The following TK2 variants were observed in gnomAD, a reference collection of about 807,000 sequenced individuals.
The protein encoded by TK2 is thymidine kinase 2, mitochondrial.
A neutral mutation model predicts 41.9 loss-of-function variants in TK2; 35 were observed. The ratio of observed to expected loss-of-function variants is 0.84; its 90% CI spans 0.64 to 1.11. The LOEUF is 1.11. Among genes scored for constraint, TK2 ranks in the 50% least tolerant of loss-of-function variants. TK2 has a pLI of 0.00. For missense variants in TK2, 320 were observed against 351.1 expected (o/e 0.91, Z 0.71); for synonymous variants, 128 against 129.1 (o/e 0.99, Z 0.06).
rs768454090 is a variant in TK2, at chr16:66,550,032, G to T, written c.30C>A (p.Ala10=). 2 of 1,553,918 alleles carry T rather than the reference G, an allele frequency of 1.3e-6. No individual in the cohort carries two copies. The highest frequency in any genetic ancestry group is 2.4e-5 in the East Asian group (1 of 41,498). Residue 10 remains alanine (A), a synonymous_variant, in exon 1 of 10, where the codon GCC becomes GCA. Coordinates refer to ENST00000544898, the MANE Select transcript of TK2 (RefSeq NM_004614.5). The part of the protein sequence containing the change: MLLWPLRGW[A]ARALRCFGPG... ...GCCCAAAGCAGCGCAGCGCCCGGGC[G>T]GCCCAGCCCCGCAGCGGCCACAGCA...
chr16:66,527,561 C>T (rs1421737736), intron 6 of TK2, among the ~76,000 whole-genome samples: 3 of 152,178 alleles, frequency 2.0e-5, no homozygotes, highest in Non-Finnish European at 4.4e-5. Flanking sequence ...GGACAACAAA[C>T]TTGGTGCCTG....
chr16:66,549,530 G>C lies in TK2; in HGVS notation c.124+408C>G, dbSNP rs910773518. 4 of 1,044,020 alleles carry C rather than the reference G, an allele frequency of 3.8e-6. No homozygotes were observed. In the African/African-American group the frequency reaches 5.1e-5, roughly 13 times the overall value. The allele number at this position is 1,044,020 out of a possible 1,614,324, so 64.7% of individuals were successfully genotyped here. The stretch of plus-strand genomic sequence containing the variant: ...CTGTGTGGGTCCCCACTCCCAGGGA[G>C]GGCAGGAGAGCGCCGGGGGCGTAAC... On this transcript the variant is annotated intron_variant, in intron 1 of 9. Coordinates refer to ENST00000544898, the MANE Select transcript of TK2 (RefSeq NM_004614.5).
Position 66,517,461 on chromosome 16 carries a change from C to A in TK2, c.539-246G>T. 1 of 611,320 alleles carries A rather than the reference C, an allele frequency of 1.6e-6. No individual in the cohort carries two copies. The highest frequency in any genetic ancestry group is 1.9e-5 in the South Asian group (1 of 52,526). 37.9% of individuals were successfully genotyped at this position (611,320 alleles called of 1,614,324 possible). The stretch of plus-strand genomic sequence containing the variant: ...GACAGAGCTCAAAACAGGCCTCACA[C>A]CCAGCAGGTCTCAGTGAATGTTCAG... On this transcript the variant is annotated intron_variant, in intron 7 of 9. Transcript: ENST00000544898. This position sits in a 1 kb window ranked among gnomAD's most constrained non-coding sequence, Gnocchi z 4.3.
rs996791498 is a variant in TK2, at chr16:66,517,965, A to G, written c.450-88T>C. 8 of 1,092,364 alleles carry G rather than the reference A, an allele frequency of 7.3e-6. No individual in the cohort carries two copies. The highest frequency in any genetic ancestry group is 2.0e-4 in the Middle Eastern group (1 of 5,124). 67.7% of individuals were successfully genotyped at this position (1,092,364 alleles called of 1,614,324 possible). On this transcript the variant is annotated intron_variant, in intron 6 of 9. Transcript: ENST00000544898. This position sits in a 1 kb window ranked among gnomAD's most constrained non-coding sequence, Gnocchi z 4.3. ...CCAAAAGGATCTTGAGACGGCTCTC[A>G]ATGAAAGGAGTCACCAAGGGTACCA...
intron 6 of TK2, among the ~76,000 whole-genome samples, chr16:66,524,161 G>A (rs983645997): frequency 3.9e-5 from 6 of 152,052 alleles, no homozygotes; most frequent in Non-Finnish European, 8.8e-5. Context: ...CCTGCACTGC[G>A]CAGAACTTTT....
intron 6 of TK2, among the ~76,000 whole-genome samples, chr16:66,519,170 C>G (rs1293063235): frequency 1.4e-5 from 2 of 147,788 alleles, no homozygotes; most frequent in African/African-American, 2.5e-5. Flanking sequence ...ACCGTGTTAG[C>G]CAGGATGGTC....
chr16:66,544,616 C>T (rs1274559201), intron 2 of TK2, among the ~76,000 whole-genome samples: 3 of 152,190 alleles, frequency 2.0e-5, no homozygotes, highest in Admixed American at 6.5e-5. Context: ...ACATGGCCGG[C>T]CTGGCCCAAC....
chr16:66,547,851 T>C, intron 2 of TK2: 1 of 1,208,184 alleles, frequency 8.3e-7, no homozygotes, highest in South Asian at 1.5e-5. Context: ...CCACTTTCTA[T>C]GAACTAGCTA....
rs538353640 is a variant in TK2 at position 66,514,267 on chromosome 16, G to A, written c.619-456C>T. 6.6e-6 allele frequency among the ~76,000 whole-genome samples: 1 copy of A among 152,336 alleles called. No individual in the cohort carries two copies. The highest frequency in any genetic ancestry group is 1.9e-4 in the East Asian group (1 of 5,180). Reference sequence around the variant, plus strand: ...GCCAAGTGCCTGGGATTGCAGGCGCGCACCGCCATGCCTGACTGGTTTTCG... The same window carrying A: ...GCCAAGTGCCTGGGATTGCAGGCGCACACCGCCATGCCTGACTGGTTTTCG... On this transcript the variant is annotated intron_variant, in intron 8 of 9. Transcript: ENST00000544898. The surrounding 1 kb of genome is among the most constrained non-coding windows in gnomAD (Gnocchi z 4.2).
At chr16:66,533,712 G>A (rs567300364) in intron 4 of TK2, among the ~76,000 whole-genome samples, 1 of 152,144 alleles carries the variant, frequency 6.6e-6, no homozygotes, top group Non-Finnish European at 1.5e-5. Context: ...GTGCCTTTAA[G>A]AAATGACTGG....
At chr16:66,524,444 T>A (rs564499285) in intron 6 of TK2, among the ~76,000 whole-genome samples, 1 of 152,172 alleles carries the variant, frequency 6.6e-6, no homozygotes, top group Non-Finnish European at 1.5e-5. Context: ...CAAGTAATCC[T>A]CCTGCCTCAG....
At chr16:66,541,427 GT>G (rs955427065) in intron 3 of TK2, among the ~76,000 whole-genome samples, 41 of 152,154 alleles carry the variant, frequency 2.7e-4, no homozygotes, top group African/African-American at 9.2e-4. Flanking sequence ...TTTTTTGTGG[GT>G]TTTTTTCTTT....
chr16:66,519,867 G>C (rs954960494), intron 6 of TK2, among the ~76,000 whole-genome samples: 1 of 152,202 alleles, frequency 6.6e-6, no homozygotes, highest in African/African-American at 2.4e-5. Context: ...CCAGTCCCAC[G>C]AGGGGATGAG....
At chr16:66,549,790 T>C (rs1965728812) in intron 1 of TK2, 148 bp downstream of exon 1, 3 of 1,284,796 alleles carry the variant, frequency 2.3e-6, no homozygotes, top group South Asian at 2.8e-5. Flanking sequence ...TAACGGCCGA[T>C]GGCCGCCCCC....
Position 66,536,980 on chromosome 16 carries a change from C to A in TK2, c.269G>T (p.Arg90Leu). ...CCCACTCACCAGAGGATTGTGGCCA[C>A]GGACATTTCTCCACTTGGACACAGG... is the stretch of plus-strand genomic sequence containing the variant. ...TEPVSKWRNV[R>L]GHNPLGLMYH... Residue 90 changes from arginine (R) to leucine (L), a missense_variant, in exon 4 of 10, where the codon CGT (arginine) becomes CTT (leucine). Arg to Leu is a moderately radical substitution (Grantham distance 102). Coordinates refer to ENST00000544898, the MANE Select transcript of TK2 (RefSeq NM_004614.5). 6.2e-7 allele frequency: 1 copy of A among 1,614,030 alleles called. No homozygotes were observed. Among genetic ancestry groups the A allele is most frequent in the Non-Finnish European group, 8.5e-7 (1 of 1,179,996 alleles).
chr16:66,517,623 C>T lies in TK2; in HGVS notation c.538+166G>A, dbSNP rs1213469921. On this transcript the variant is annotated intron_variant, in intron 7 of 9. Transcript: ENST00000544898. This position sits in a 1 kb window ranked among gnomAD's most constrained non-coding sequence, Gnocchi z 4.3. The stretch of plus-strand genomic sequence containing the variant: ...TTCTTCTCCATGAGAGACCAGAAGT[C>T]CCGAATTCTGTCTGCCCTCAGGGAG... 1.3e-5 allele frequency among the ~76,000 whole-genome samples: 2 copies of T among 152,176 alleles called. No individual in the cohort carries two copies. Among genetic ancestry groups the T allele is most frequent in the Non-Finnish European group, 2.9e-5 (2 of 68,040 alleles).
intron 4 of TK2, among the ~76,000 whole-genome samples, chr16:66,534,562 G>T (rs558329084): frequency 6.6e-6 from 1 of 152,324 alleles, no homozygotes; most frequent in East Asian, 1.9e-4. Context: ...AACCACATGA[G>T]CTTACTTAGC....
intron 6 of TK2, among the ~76,000 whole-genome samples, chr16:66,523,935 G>A (rs1964856599): frequency 6.6e-6 from 1 of 152,250 alleles, no homozygotes; most frequent in Non-Finnish European, 1.5e-5. Context: ...GTTGTCCGGA[G>A]AGTGGCCAAG....
intron 5 of TK2, among the ~76,000 whole-genome samples, chr16:66,529,894 A>G (rs1965055758): frequency 6.6e-6 from 1 of 151,812 alleles, no homozygotes; most frequent in Non-Finnish European, 1.5e-5. Flanking sequence ...CTAGCTCCCC[A>G]TTCATCCCTC....
Sources: allele counts gnomAD v4.1 joint callset (sites outside exome capture counted in the v4.1 genomes callset), GRCh38; gene constraint gnomAD v4.1.1; non-coding constraint Gnocchi (gnomAD v3.1); transcripts MANE v1.5; gene names NCBI Gene and HGNC (gene_info 2026-07-23, HGNC 2026-07-21).